The following ZNF469 variants were observed in gnomAD, a reference collection of about 807,000 sequenced individuals.
ZNF469 encodes zinc finger protein 469.
A neutral mutation model predicts 1.0 loss-of-function variants in ZNF469; 1 was observed. The ratio of observed to expected loss-of-function variants is 1.00; its 90% confidence interval spans 0.35 to 4.73. The LOEUF (loss-of-function observed/expected upper bound fraction) is 4.73, where lower values mean the gene tolerates loss of function less well. Among genes scored for constraint, ZNF469 ranks in the 30% most tolerant of loss-of-function variants. The pLI is 0.16. For synonymous variants in ZNF469, 2,703 were observed against 2,363.4 expected, an observed-to-expected ratio of 1.14 and a Z score of -4.17; for missense variants, 6,100 against 5,356.3, an observed-to-expected ratio of 1.14 and a Z score of -4.33.
the ZNF469 span, among the ~76,000 whole-genome samples, chr16:88,291,135 G>A: frequency 2.6e-5 from 4 of 152,186 alleles, no homozygotes; most frequent in African/African-American, 4.8e-5. Flanking sequence ...AACCCACATA[G>A]ATGGGGCAGT....
At chr16:88,335,719 T>G in the ZNF469 span, among the ~76,000 whole-genome samples, 13 of 152,220 alleles carry the variant, frequency 8.5e-5, no homozygotes, top group African/African-American at 3.1e-4. Context: ...GAAACTCACA[T>G]GGAGGCATTG....
At chr16:88,104,984 G>C in the ZNF469 span, among the ~76,000 whole-genome samples, 77 of 152,332 alleles carry the variant, frequency 5.1e-4, no homozygotes, top group Non-Finnish European at 9.0e-4. Context: ...GAGAGGCTGA[G>C]GCAGGAGGAT....
At chr16:88,328,469 C>T in the ZNF469 span, among the ~76,000 whole-genome samples, 1 of 152,286 alleles carries the variant, frequency 6.6e-6, no homozygotes, top group South Asian at 2.1e-4. Context: ...TGGCTACCGT[C>T]GAAGCTCTGC....
At position 88,438,982 on chromosome 16, in the gene ZNF469, C is replaced by T; in HGVS notation, c.11512C>T (p.Pro3838Ser). ...SESVGSFGRA[P>S]SAPDKPPRTP... ...AAGTGTGGGGAGCTTCGGGAGAGCC[C>T]CCTCAGCCCCTGACAAGCCCCCCCG... Residue 3838 changes from proline (P) to serine (S), a missense_variant, in exon 3 of 3, where the codon CCC becomes TCC. Coordinates refer to ENST00000565624, the MANE Select transcript of ZNF469 (RefSeq NM_001367624.2). 1.3e-6 allele frequency: 2 copies of T among 1,550,402 alleles called. No individual in the cohort carries two copies.
chr16:88,151,598 C>T, the ZNF469 span, among the ~76,000 whole-genome samples: 3 of 152,300 alleles, frequency 2.0e-5, no homozygotes, highest in East Asian at 5.8e-4. The surrounding 1 kb of genome is among the most constrained non-coding windows in gnomAD (Gnocchi z 5.4). Context: ...TGCCTCACAC[C>T]ACTGCTTCTA....
At chr16:88,221,432 C>T in the ZNF469 span, among the ~76,000 whole-genome samples, 1 of 152,316 alleles carries the variant, frequency 6.6e-6, no homozygotes, top group East Asian at 1.9e-4. Flanking sequence ...CACATGCAGG[C>T]AGCTCCCCGA....
At chr16:88,227,436 G>A in the ZNF469 span, among the ~76,000 whole-genome samples, 7 of 151,404 alleles carry the variant, frequency 4.6e-5, no homozygotes, top group Admixed American at 4.6e-4. Context: ...GGCCCACACC[G>A]GCCTCCAGTC....
chr16:88,142,918 C>T, the ZNF469 span, among the ~76,000 whole-genome samples: 1 of 152,188 alleles, frequency 6.6e-6, no homozygotes, highest in Non-Finnish European at 1.5e-5. Context: ...GGCCTGAGAG[C>T]ACAGGGCCCC....
the ZNF469 span, among the ~76,000 whole-genome samples, chr16:88,120,285 G>C: frequency 6.6e-6 from 1 of 152,250 alleles, no homozygotes; most frequent in African/African-American, 2.4e-5. Context: ...GCTTTCTCTG[G>C]GGTCCTTGCA....
chr16:88,214,812 G>A, the ZNF469 span, among the ~76,000 whole-genome samples: 8 of 152,114 alleles, frequency 5.3e-5, no homozygotes, highest in African/African-American at 1.4e-4. Context: ...CTTCATCCAC[G>A]TCCCTGCAAA....
rs1906924697 is a variant in ZNF469 at position 88,440,507 on chromosome 16, A to T, written c.*1175A>T. 1 of 152,150 alleles carries T rather than the reference A, an allele frequency of 6.6e-6. No individual in the cohort carries two copies. The highest frequency in any genetic ancestry group is 2.4e-5 in the African/African-American group (1 of 41,438). 9.4% of individuals were successfully genotyped at this position (152,150 alleles called of 1,614,324 possible). A position where few individuals can be genotyped will look rare whatever the true frequency, so the allele number is the denominator to read the frequency against. ...CACCCTTCTCTCCATAAGTATCTTG[A>T]AGATCCATGGTTTGTTTTGCTCTAT... On this transcript the variant is annotated 3_prime_UTR_variant, in exon 3 of 3. Transcript: ENST00000565624.
the ZNF469 span, among the ~76,000 whole-genome samples, chr16:88,192,839 C>G: frequency 3.5e-5 from 1 of 28,866 alleles, no homozygotes. Context: ...GTGGTGATGA[C>G]AATGATGATA....
the ZNF469 span, among the ~76,000 whole-genome samples, chr16:88,247,380 A>ATAAG: frequency 4.0e-5 from 6 of 149,386 alleles, no homozygotes; most frequent in Non-Finnish European, 5.9e-5. Flanking sequence ...GAGTGAGTGA[A>ATAAG]TGAATGAGTC....
At position 88,437,704 on chromosome 16, in the gene ZNF469, C is replaced by T. The variant is rs763756847; in HGVS notation, c.10234C>T (p.Arg3412Cys). Residue 3412 changes from arginine to cysteine, a missense_variant, in exon 3 of 3, where the codon CGC (arginine) becomes TGC (cysteine). Physicochemically the swap from Arg to Cys is radical, Grantham distance 180. Transcript: ENST00000565624. ...YACELCATVM[R>C]IIKKSFACSS... is the part of the protein sequence containing the mutation. The stretch of plus-strand genomic sequence containing the variant: ...CTGCGAGCTCTGCGCCACGGTTATG[C>T]GCATCATCAAGAAGTCCTTCGCCTG... 2.3e-5 allele frequency: 35 copies of T among 1,549,736 alleles called. No individual in the cohort carries two copies. Among genetic ancestry groups the T allele is most frequent in the African/African-American group, 9.6e-5 (7 of 73,052 alleles).
the ZNF469 span, among the ~76,000 whole-genome samples, chr16:88,295,981 G>A: frequency 6.6e-6 from 1 of 152,160 alleles, no homozygotes; most frequent in Non-Finnish European, 1.5e-5. Flanking sequence ...TGGATGTCGC[G>A]CCATCCCTGG....
the ZNF469 span, among the ~76,000 whole-genome samples, chr16:88,188,158 C>T: frequency 6.6e-6 from 1 of 152,126 alleles, no homozygotes; most frequent in Non-Finnish European, 1.5e-5. Flanking sequence ...CTGGGGTGCC[C>T]TTCCTTGCTG....
At chr16:88,249,212 A>T in the ZNF469 span, among the ~76,000 whole-genome samples, 741 of 126,690 alleles carry the variant, frequency 5.8e-3, 3 homozygotes, top group Middle Eastern at 0.056. Context: ...CAATACCCAC[A>T]GCCAGCTTCT....
At chr16:88,420,626 G>C (rs1253856651) in intron 1 of ZNF469, among the ~76,000 whole-genome samples, 1 of 152,214 alleles carries the variant, frequency 6.6e-6, no homozygotes, top group East Asian at 1.9e-4. Context: ...CGCCCGAGGA[G>C]TTCACACCAC....
At position 88,439,616 on chromosome 16, in the gene ZNF469, G is replaced by A. The variant is rs2142318942; in HGVS notation, c.*284G>A. On this transcript the variant is annotated 3_prime_UTR_variant, in exon 3 of 3. Transcript: ENST00000565624. ...GTACCAAGTACTTGAAGAGACAGCA[G>A]CCCATCCCCTCAGCCCACACCCCTG... 2.1e-6 allele frequency: 1 copy of A among 482,432 alleles called. No individual in the cohort carries two copies. Among genetic ancestry groups the A allele is most frequent in the East Asian group, 3.9e-5 (1 of 25,370 alleles). 29.9% of individuals were successfully genotyped at this position (482,432 alleles called of 1,614,324 possible). A position where few individuals can be genotyped will look rare whatever the true frequency, so the allele number is the denominator to read the frequency against.
Sources: gnomAD v4.1 joint callset for allele counts (sites outside exome capture counted in the v4.1 genomes callset) on GRCh38, gnomAD v4.1.1 for gene constraint, Gnocchi (gnomAD v3.1) non-coding constraint, MANE v1.5 for transcripts, NCBI Gene and HGNC (gene_info 2026-07-23, HGNC 2026-07-21) for gene names.